The following TTLL3 variants were observed in gnomAD, a reference collection of about 807,000 sequenced individuals.
TTLL3 encodes tubulin monoglycylase TTLL3.
TTLL3 carries 63 observed loss-of-function variants against 75.2 expected under a neutral mutation model. That is an observed-to-expected ratio of 0.84 (90% CI 0.68 to 1.03). The LOEUF (loss-of-function observed/expected upper bound fraction) is 1.03, where lower values mean the gene tolerates loss of function less well. Among genes scored for constraint, TTLL3 ranks in the 50% least tolerant of loss-of-function variants. The pLI, the probability that TTLL3 is intolerant of heterozygous loss-of-function variation, is 0.00. For missense variants in TTLL3, 997 were observed against 1,069.9 expected, an observed-to-expected ratio of 0.93 and a Z score of 0.95; for synonymous variants, 393 against 418.5, an observed-to-expected ratio of 0.94 and a Z score of 0.74.
Position 9,827,174 on chromosome 3 carries a change from T to C in TTLL3, c.1181T>C (p.Val394Ala), listed in dbSNP as rs1217374706. Residue 394 changes from valine (V) to alanine (A), a missense_variant, in exon 10 of 14, where the codon GTG (valine) becomes GCG (alanine). Physicochemically the swap from Val to Ala is moderately conservative, Grantham distance 64. Coordinates refer to ENST00000685419, the MANE Select transcript of TTLL3 (RefSeq NM_001387446.1). ...GTAACTGACTGGAACCCACTTACCG[T>C]GTGGTTCTACCGCGACAGCTATATC... ...FLVTDWNPLT[V>A]WFYRDSYIRF... is the part of the protein sequence containing the mutation. The C allele has an allele frequency of 1.2e-6, 2 of 1,614,228 alleles. No individual in the cohort carries two copies. The highest frequency in any genetic ancestry group is 1.7e-5 in the Admixed American group (1 of 60,032).
rs373812397 is a variant in TTLL3 at position 9,829,328 on chromosome 3, G to A, written c.1616G>A (p.Arg539His). ...LCAGVQADTL[R>H]VVIDRMLDRN... ...GCTGGCGTGCAAGCTGACACCCTGC[G>A]CGTGGTCATTGACCGGATGCTGGAC... The change falls in exon 11 of 14, where the codon CGC becomes CAC. Residue 539 changes from arginine to histidine, a missense_variant. Coordinates refer to ENST00000685419, the MANE Select transcript of TTLL3 (RefSeq NM_001387446.1). The A allele has an allele frequency of 4.5e-5, 72 of 1,613,148 alleles. No individual in the cohort carries two copies. The highest frequency in any genetic ancestry group is 3.6e-4 in the African/African-American group (27 of 75,032).
intron 12 of TTLL3, among the ~76,000 whole-genome samples, chr3:9,833,576 G>T (rs747861369): frequency 6.6e-6 from 1 of 152,144 alleles, no homozygotes; most frequent in Non-Finnish European, 1.5e-5. Context: ...GTTCCAAGGC[G>T]ATTTATTCCT....
chr3:9,828,818 T>C (rs1379157053), intron 10 of TTLL3, 142 bp from the exon 11 acceptor site: 15 of 1,071,272 alleles, frequency 1.4e-5, no homozygotes, highest in Non-Finnish European at 2.0e-5. Flanking sequence ...CTCTGTCCTT[T>C]TTGTCCTTCC....
chr3:9,815,379 C>A (rs894873055), intron 4 of TTLL3, among the ~76,000 whole-genome samples: 13 of 152,234 alleles, frequency 8.5e-5, no homozygotes, highest in African/African-American at 3.1e-4. Context: ...ACAGAGATAA[C>A]CTTAGCCCCT....
chr3:9,816,519 G>GTTTTTTTTTTT (rs1397485164), intron 5 of TTLL3, among the ~76,000 whole-genome samples: 1 of 36,148 alleles, frequency 2.8e-5, no homozygotes, highest in Non-Finnish European at 7.2e-5. Flanking sequence ...TCTTACCTGG[G>GTTTTTTTTTTT]TTTCTTTTTT....
intron 8 of TTLL3, chr3:9,821,086 G>GTTAA (rs3830589): frequency 0.57 from 143,424 of 250,640 alleles, 43,979 homozygotes; most frequent in Non-Finnish European, 0.65. Flanking sequence ...GGATTAAGCA[G>GTTAA]TTAAAGAGGC....
At chr3:9,809,955 C>CAGAGGGGCGCGGGATCAGGGGCCCTG, upstream of TTLL3, 4 of 156,720 alleles carry the variant, frequency 2.6e-5, no homozygotes, top group Non-Finnish European at 3.8e-5. Context: ...GGCGGCGACG[C>CAGAGGGGCGCGGGATCAGGGGCCCTG]GGAGGGGCGC....
Position 9,810,452 on chromosome 3 carries a change from G to A in TTLL3, c.-42+58G>A, listed in dbSNP as rs564682058. 7.7e-6 allele frequency: 11 copies of A among 1,432,414 alleles called. No individual in the cohort carries two copies. Among genetic ancestry groups the A allele is most frequent in the African/African-American group, 2.9e-5 (2 of 68,802 alleles). 88.7% of individuals were successfully genotyped at this position (1,432,414 alleles called of 1,614,324 possible). A position where few individuals can be genotyped will look rare whatever the true frequency, so the allele number is the denominator to read the frequency against. On this transcript the variant is annotated intron_variant, in intron 1 of 13. Transcript: ENST00000685419. The surrounding 1 kb of genome is among the most constrained non-coding windows in gnomAD (Gnocchi z 4.4). Reference sequence around the variant, plus strand: ...ACAGCGGCTGCGAGGACGACAAGACGCTGGGGTGGAGGGACTGGGGGTCGG... The same window carrying A: ...ACAGCGGCTGCGAGGACGACAAGACACTGGGGTGGAGGGACTGGGGGTCGG...
chr3:9,823,160 G>A (rs2080647531), intron 8 of TTLL3, among the ~76,000 whole-genome samples: 1 of 152,012 alleles, frequency 6.6e-6, no homozygotes, highest in African/African-American at 2.4e-5. Context: ...AAGGCGGGCA[G>A]ATCATGAGAT....
intron 5 of TTLL3, 49 bp downstream of exon 5, chr3:9,816,251 T>C (rs370793339): frequency 4.9e-5 from 64 of 1,316,996 alleles, no homozygotes; most frequent in African/African-American, 1.8e-4. Flanking sequence ...CCCCTGCCCT[T>C]GGGCTGGCAG....
intron 8 of TTLL3, among the ~76,000 whole-genome samples, chr3:9,822,374 C>G (rs1043704604): frequency 6.6e-6 from 1 of 151,646 alleles, no homozygotes; most frequent in African/African-American, 2.4e-5. Flanking sequence ...GCCATGAGTC[C>G]TTTTTATTTC....
intron 9 of TTLL3, among the ~76,000 whole-genome samples, chr3:9,826,558 C>T (rs1199627529): frequency 1.3e-5 from 2 of 151,786 alleles, no homozygotes; most frequent in African/African-American, 4.8e-5. Flanking sequence ...CATGGTGAAA[C>T]CCTGTCTCTA....
intron 8 of TTLL3, among the ~76,000 whole-genome samples, chr3:9,822,575 G>A (rs929379273): frequency 1.3e-5 from 2 of 151,458 alleles, no homozygotes; most frequent in Non-Finnish European, 2.9e-5. Flanking sequence ...CCAAGCTGGA[G>A]TGCAGTGGCG....
rs1169521802 is a variant in TTLL3, at chr3:9,810,739, G to C, written c.48+30G>C. The C allele has an allele frequency of 1.3e-6, 2 of 1,566,244 alleles. No homozygotes were observed. Among genetic ancestry groups the C allele is most frequent in the Non-Finnish European group, 1.7e-6 (2 of 1,154,902 alleles). On this transcript the variant is annotated intron_variant, in intron 2 of 13. Transcript: ENST00000685419. This position sits in a 1 kb window ranked among gnomAD's most constrained non-coding sequence, Gnocchi z 4.4. ...GAGGAGGGGCAGGGGCGCTTAGAAA[G>C]GGCCCTGGGAGCGGCTCAGCCTGTC...
At chr3:9,822,773 A>G (rs2080595295) in intron 8 of TTLL3, among the ~76,000 whole-genome samples, 1 of 142,624 alleles carries the variant, frequency 7.0e-6, no homozygotes, top group Non-Finnish European at 1.5e-5. Flanking sequence ...TAATATATAC[A>G]TATATATATA....
At chr3:9,822,563 A>C in intron 8 of TTLL3, among the ~76,000 whole-genome samples, 1 of 149,952 alleles carries the variant, frequency 6.7e-6, no homozygotes, top group South Asian at 2.1e-4. Context: ...TCACTTTGTT[A>C]CCCAAGCTGG....
upstream of TTLL3, chr3:9,810,036 G>A (rs2079196434): frequency 1.7e-6 from 2 of 1,179,300 alleles, no homozygotes; most frequent in Non-Finnish European, 2.1e-6. The surrounding 1 kb of genome is among the most constrained non-coding windows in gnomAD (Gnocchi z 4.4). Flanking sequence ...CACTGCTCCT[G>A]AGCGCGAGGG....
intron 2 of TTLL3, among the ~76,000 whole-genome samples, chr3:9,811,148 C>T (rs2079317309): frequency 6.6e-6 from 1 of 152,224 alleles, no homozygotes; most frequent in South Asian, 2.1e-4. Flanking sequence ...GGCCCCTTCC[C>T]CAGGTCTGTC....
At chr3:9,825,299 C>G (rs1444713973) in intron 8 of TTLL3, 1 of 183,184 alleles carries the variant, frequency 5.5e-6, no homozygotes, top group Non-Finnish European at 1.1e-5. Flanking sequence ...GATTTCACCA[C>G]TGCACTTCAG....
Sources: gnomAD v4.1 joint callset for allele counts (sites outside exome capture counted in the v4.1 genomes callset) on GRCh38, gnomAD v4.1.1 for gene constraint, Gnocchi (gnomAD v3.1) non-coding constraint, MANE v1.5 for transcripts, NCBI Gene and HGNC (gene_info 2026-07-23, HGNC 2026-07-21) for gene names.